The following LRP1 variants were observed in gnomAD, a reference collection of about 807,000 sequenced individuals.
LRP1 encodes the protein LDL receptor related protein 1.
LRP1 carries 51 observed loss-of-function variants against 541.5 expected under a neutral mutation model. The observed-to-expected ratio is 0.09, with a 90% CI of 0.08 to 0.12. The LOEUF (loss-of-function observed/expected upper bound fraction) is 0.12. LRP1 is among the 10% of genes least tolerant of loss of function. The pLI is 1.00. For synonymous variants in LRP1, 2,219 were observed against 2,470.8 expected (o/e 0.90, Z 3.02); for missense variants, 3,878 against 6,376.2 (o/e 0.61, Z 13.34).
chr12:57,204,912 A>G lies in LRP1; in HGVS notation c.11194+163A>G. The G allele has an allele frequency of 7.4e-7, 1 of 1,357,228 alleles. No homozygotes were observed. The highest frequency in any genetic ancestry group is 1.0e-6 in the Non-Finnish European group (1 of 1,004,702). 84.1% of individuals were successfully genotyped at this position (1,357,228 alleles called of 1,614,324 possible). ...GCCTGGGGGCTTTTCGTTAGGAAAG[A>G]GAAGCCCCTGGGGAAGGCTCTGGGG... On this transcript the variant is annotated intron_variant, in intron 72 of 88. Coordinates refer to ENST00000243077, the MANE Select transcript of LRP1 (RefSeq NM_002332.3). This position sits in a 1 kb window ranked among gnomAD's most constrained non-coding sequence, Gnocchi z 5.3.
chr12:57,146,152 C>T (rs1424206542), intron 6 of LRP1, among the ~76,000 whole-genome samples: 1 of 152,132 alleles, frequency 6.6e-6, no homozygotes, highest in Non-Finnish European at 1.5e-5. Context: ...GGGGCACGAG[C>T]ATAGCTGGGT....
chr12:57,184,703 T>C lies in LRP1; in HGVS notation c.6187-136T>C. The C allele has an allele frequency of 9.8e-7, 1 of 1,019,884 alleles. No individual in the cohort carries two copies. The highest frequency in any genetic ancestry group is 1.4e-6 in the Non-Finnish European group (1 of 702,308). The allele number at this position is 1,019,884 out of a possible 1,614,324, so 63.2% of individuals were successfully genotyped here. On this transcript the variant is annotated intron_variant, in intron 38 of 88. Coordinates refer to ENST00000243077, the MANE Select transcript of LRP1 (RefSeq NM_002332.3). The surrounding 1 kb of genome is among the most constrained non-coding windows in gnomAD (Gnocchi z 7.8). ...ATCAGCAGGGCAGTGGGCAGGAGTG[T>C]ATGCAGGAGGCAGGAGTGAGTTAGG...
In LRP1 at chr12:57,129,034, G is replaced by A. The variant is rs770118882; in HGVS notation, c.67+3G>A. On this transcript the variant is annotated splice_donor_region_variant and intron_variant, in intron 1 of 88. Coordinates refer to ENST00000243077, the MANE Select transcript of LRP1 (RefSeq NM_002332.3). ...TCTGGTCGCGGCGGCTATCGACGGTGAGTGAGATTCCGCGTCCCCCTTGGA... is the reference window on the plus strand; with the variant it reads ...TCTGGTCGCGGCGGCTATCGACGGTAAGTGAGATTCCGCGTCCCCCTTGGA... 4.8e-5 allele frequency: 75 copies of A among 1,551,360 alleles called. No individual in the cohort carries two copies. In the South Asian group the frequency reaches 8.0e-4, roughly 16 times the overall value.
chr12:57,139,330 C>A (rs1003262419), intron 2 of LRP1, among the ~76,000 whole-genome samples: 2 of 152,152 alleles, frequency 1.3e-5, no homozygotes, highest in Admixed American at 6.5e-5. Flanking sequence ...CCCACACCCC[C>A]ACCCGTAATT....
rs1469077618 is a variant in LRP1 at position 57,184,930 on chromosome 12, G to A, written c.6278G>A (p.Ser2093Asn). 6.2e-7 allele frequency: 1 copy of A among 1,614,166 alleles called. No homozygotes were observed. The highest frequency in any genetic ancestry group is 1.7e-5 in the Admixed American group (1 of 60,026). ...GAGAACCGCGAGGTGGTTCTGTCCA[G>A]CAACAACATGGACATGTTTTCAGTG... ...TGENREVVLS[S>N]NNMDMFSVSV... The change falls in exon 39 of 89, where the codon AGC becomes AAC. Residue 2093 changes from serine to asparagine, a missense_variant. Around this residue, in one of 13 missense-constraint regions of LRP1, gnomAD observed 1,100 missense variants for 1,827.4 expected, o/e 0.60. Coordinates refer to ENST00000243077, the MANE Select transcript of LRP1 (RefSeq NM_002332.3). The surrounding 1 kb of genome is among the most constrained non-coding windows in gnomAD (Gnocchi z 7.8).
At chr12:57,147,068 C>T (rs1215681301) in intron 6 of LRP1, among the ~76,000 whole-genome samples, 1 of 152,112 alleles carries the variant, frequency 6.6e-6, no homozygotes, top group Non-Finnish European at 1.5e-5. Flanking sequence ...GCTGGTACCC[C>T]TCCCTTGGCA....
At chr12:57,175,048 C>T (rs568193938) in intron 22 of LRP1, among the ~76,000 whole-genome samples, 48 of 152,234 alleles carry the variant, frequency 3.2e-4, no homozygotes, top group African/African-American at 1.0e-3. Context: ...GGCCCTGCTG[C>T]ACCCCACCCC....
chr12:57,157,085 G>A (rs946887580), intron 10 of LRP1, among the ~76,000 whole-genome samples, 165 bp downstream of exon 10: 5 of 152,094 alleles, frequency 3.3e-5, no homozygotes, highest in African/African-American at 9.7e-5. Context: ...ATCCATATTC[G>A]AAAAAAGTGC....
intron 46 of LRP1, 94 bp from the exon 47 acceptor site, chr12:57,193,472 G>A (rs2036458784): frequency 6.5e-7 from 1 of 1,537,982 alleles, no homozygotes; most frequent in African/African-American, 1.4e-5. Flanking sequence ...CTTTGGGTTT[G>A]GGGGTGGCCA....
At chr12:57,147,647 G>A (rs967054601) in intron 6 of LRP1, 1 of 152,166 alleles carries the variant, frequency 6.6e-6, no homozygotes, top group African/African-American at 2.4e-5. Context: ...ACAATTGAGG[G>A]GTGTTCGAGC....
Position 57,201,395 on chromosome 12 carries a change from T to A in LRP1, c.10346-102T>A, listed in dbSNP as rs760614140. On this transcript the variant is annotated intron_variant, in intron 65 of 88. Transcript: ENST00000243077. This position sits in a 1 kb window ranked among gnomAD's most constrained non-coding sequence, Gnocchi z 6.4. The stretch of plus-strand genomic sequence containing the variant: ...CTGTTCCTTCCTCCGAAGAAGTTGC[T>A]GGCAGGACCAAGGCCAGGGCTTGGA... 2 of 1,508,006 alleles carry A rather than the reference T, an allele frequency of 1.3e-6. No individual in the cohort carries two copies. Among genetic ancestry groups the A allele is most frequent in the Non-Finnish European group, 1.8e-6 (2 of 1,119,514 alleles). The allele number at this position is 1,508,006 out of a possible 1,614,324, so 93.4% of individuals were successfully genotyped here.
Position 57,179,457 on chromosome 12 carries a change from G to A in LRP1, c.4867G>A (p.Asp1623Asn). The change falls in exon 29 of 89, where the codon GAT (aspartate) becomes AAT (asparagine). Residue 1623 changes from aspartate to asparagine, a missense_variant. By Grantham distance (23) the Asp-to-Asn change is conservative. Around this residue, in one of 13 missense-constraint regions of LRP1, gnomAD observed 394 missense variants for 635.9 expected, o/e 0.62. Coordinates refer to ENST00000243077, the MANE Select transcript of LRP1 (RefSeq NM_002332.3). The surrounding 1 kb of genome is among the most constrained non-coding windows in gnomAD (Gnocchi z 6.8). Reference sequence around the variant, plus strand: ...CGACAACGTCACAGTGCTAGACTACGATGCCCGCGAGCAGCGTGTGTACTG... The same window carrying A: ...CGACAACGTCACAGTGCTAGACTACAATGCCCGCGAGCAGCGTGTGTACTG... Reference protein sequence around the residue: ...DIDNVTVLDYDAREQRVYWSD... With the variant: ...DIDNVTVLDYNAREQRVYWSD... 6.2e-7 allele frequency: 1 copy of A among 1,614,218 alleles called. No individual in the cohort carries two copies. Among genetic ancestry groups the A allele is most frequent in the Non-Finnish European group, 8.5e-7 (1 of 1,180,024 alleles).
In LRP1 at chr12:57,145,207, C is replaced by G. The variant is rs1196608725; in HGVS notation, c.578-20C>G. 1 of 1,613,848 alleles carries G rather than the reference C, an allele frequency of 6.2e-7. No individual in the cohort carries two copies. The highest frequency in any genetic ancestry group is 8.5e-7 in the Non-Finnish European group (1 of 1,179,900). On this transcript the variant is annotated intron_variant, in intron 5 of 88. Transcript: ENST00000243077. ...TCCTAGAGCCCTGGCTGCACGGACT[C>G]TTCTCTTCCCCATTCCCAGAGCCAG...
chr12:57,163,109 C>G (rs545229222), intron 15 of LRP1, 126 bp downstream of exon 15: 2 of 1,341,738 alleles, frequency 1.5e-6, no homozygotes, highest in East Asian at 2.6e-5. Flanking sequence ...CCTTAGGGGG[C>G]CAACAGGAAG....
intron 3 of LRP1, among the ~76,000 whole-genome samples, 189 bp from the exon 4 acceptor site, chr12:57,143,490 T>C (rs1178451803): frequency 6.6e-6 from 1 of 152,234 alleles, no homozygotes; most frequent in Non-Finnish European, 1.5e-5. Context: ...GCTTGTCTTA[T>C]AGCCTCTCTG....
chr12:57,129,278 AG>A, intron 1 of LRP1, among the ~76,000 whole-genome samples: 1 of 152,028 alleles, frequency 6.6e-6, no homozygotes, highest in East Asian at 1.9e-4. Flanking sequence ...TAGAGAGAAG[AG>A]GGCTCCCCAT....
In LRP1 at chr12:57,194,474, G is replaced by A; in HGVS notation, c.8039G>A (p.Gly2680Glu). The stretch of plus-strand genomic sequence containing the variant: ...GTGTGTGATGGCGCCAATGACTGTG[G>A]GGACTACAGTGATGAGCGCGACTGC... ...SWVCDGANDC[G>E]DYSDERDCPG... Residue 2680 changes from glycine to glutamate, a missense_variant, in exon 49 of 89, where the codon GGG becomes GAG. Gly to Glu is a moderately conservative substitution (Grantham distance 98, BLOSUM62 -2). Around this residue, in one of 13 missense-constraint regions of LRP1, gnomAD observed 1,100 missense variants for 1,827.4 expected, o/e 0.60. Coordinates refer to ENST00000243077, the MANE Select transcript of LRP1 (RefSeq NM_002332.3). 6.3e-7 allele frequency: 1 copy of A among 1,586,508 alleles called. No individual in the cohort carries two copies. Among genetic ancestry groups the A allele is most frequent in the Non-Finnish European group, 8.6e-7 (1 of 1,165,790 alleles).
chr12:57,167,669 A>G, intron 19 of LRP1, 145 bp downstream of exon 19: 1 of 652,684 alleles, frequency 1.5e-6, no homozygotes, highest in East Asian at 2.8e-5. Flanking sequence ...GGGAGAAAAC[A>G]GGAGAAGTCA....
Position 57,165,997 on chromosome 12 carries a change from C to G in LRP1, c.2671+52C>G. 6.2e-7 allele frequency: 1 copy of G among 1,612,368 alleles called. No individual in the cohort carries two copies. Among genetic ancestry groups the G allele is most frequent in the Admixed American group, 1.7e-5 (1 of 60,004 alleles). ...GTTGGATGGCAGGCCTGCAGGGCAG[C>G]TCGGCTCTGGCAGTGCCTATACTGG... On this transcript the variant is annotated intron_variant, in intron 16 of 88. Coordinates refer to ENST00000243077, the MANE Select transcript of LRP1 (RefSeq NM_002332.3). The surrounding 1 kb of genome is among the most constrained non-coding windows in gnomAD (Gnocchi z 4.5).
Sources: gnomAD v4.1 joint callset for allele counts (sites outside exome capture counted in the v4.1 genomes callset) on GRCh38, gnomAD v4.1.1 for gene constraint, gnomAD v4.1.1 regional missense constraint, Gnocchi (gnomAD v3.1) non-coding constraint, MANE v1.5 for transcripts, NCBI Gene and HGNC (gene_info 2026-07-23, HGNC 2026-07-21) for gene names.